KNSTRN: variants seen among roughly 807,000 people sequenced by gnomAD.
KNSTRN encodes the protein small kinetochore-associated protein.
Under a neutral mutation model 44.7 loss-of-function variants are expected in KNSTRN, and 38 were observed. The ratio of observed to expected loss-of-function variants is 0.85; its 90% CI spans 0.66 to 1.11. The LOEUF (loss-of-function observed/expected upper bound fraction) is 1.11, where lower values mean the gene tolerates loss of function less well. KNSTRN is among the 50% of genes most tolerant of loss of function. The probability of loss-of-function intolerance (pLI) is 0.00; values close to 1 mark genes in which losing one functional copy is unlikely to be tolerated. For missense variants in KNSTRN, 406 were observed against 375.8 expected (o/e 1.08, Z -0.66); for synonymous variants, 158 against 148.1 (o/e 1.07, Z -0.48).
chr15:40,385,855 T>C (rs760205432), intron 2 of KNSTRN, among the ~76,000 whole-genome samples: 3 of 152,240 alleles, frequency 2.0e-5, no homozygotes, highest in Non-Finnish European at 2.9e-5. Flanking sequence ...CCCTCAAACA[T>C]GCTGTACTGT....
At chr15:40,384,443 TTG>T (rs754807269) in intron 2 of KNSTRN, 17 of 455,930 alleles carry the variant, frequency 3.7e-5, no homozygotes, top group South Asian at 2.6e-4. Flanking sequence ...GTTTGTTGTC[TTG>T]TGTTGCCGCA....
chr15:40,386,502 C>T lies in KNSTRN; in HGVS notation c.437+8C>T, dbSNP rs541009532. 29 of 1,613,096 alleles carry T rather than the reference C, an allele frequency of 1.8e-5. No homozygotes were observed. Among genetic ancestry groups the T allele is most frequent in the Middle Eastern group, 1.7e-4 (1 of 6,056 alleles). ...ACTGAGACGAGAGAATGGGTGAGAA[C>T]GGATCATTAGTATCCAGTTAGAACA... On this transcript the variant is annotated splice_region_variant and intron_variant, in intron 3 of 8. Coordinates refer to ENST00000249776, the MANE Select transcript of KNSTRN (RefSeq NM_033286.4).
chr15:40,394,119 G>A lies in KNSTRN; in HGVS notation c.*522G>A, dbSNP rs1375488059. ...ACCTGAAGTTGCTTGAAGTGTTTTG[G>A]GCTTAATAAATGGGGTGAAAGTATA... On this transcript the variant is annotated 3_prime_UTR_variant, in exon 9 of 9. Coordinates refer to ENST00000249776, the MANE Select transcript of KNSTRN (RefSeq NM_033286.4). 1 of 152,280 alleles carries A rather than the reference G, an allele frequency of 6.6e-6. No homozygotes were observed. Among genetic ancestry groups the A allele is most frequent in the Non-Finnish European group, 1.5e-5 (1 of 68,240 alleles). The allele number at this position is 152,280 out of a possible 1,614,324, so 9.4% of individuals were successfully genotyped here.
intron 7 of KNSTRN, 97 bp downstream of exon 7, chr15:40,391,651 A>C: frequency 9.9e-7 from 1 of 1,012,806 alleles, no homozygotes; most frequent in South Asian, 1.4e-5. Flanking sequence ...AACTCCAAGA[A>C]ACAGCCTTTG....
Position 40,392,026 on chromosome 15 carries a change from G to A in KNSTRN, c.822+3G>A, listed in dbSNP as rs1890007214. On this transcript the variant is annotated splice_donor_region_variant and intron_variant, in intron 8 of 8. Transcript: ENST00000249776. ...AAAAGCAGATGGAGGAGTTACAGGT[G>A]AGAGGCAGACATCACCCTGACCATT... is the stretch of plus-strand genomic sequence containing the variant. The A allele has an allele frequency of 1.2e-6, 2 of 1,606,132 alleles. No homozygotes were observed. Among genetic ancestry groups the A allele is most frequent in the South Asian group, 2.2e-5 (2 of 89,914 alleles).
rs574409096 is a variant in KNSTRN, at chr15:40,390,069, C to T, written c.685+140C>T. Reference sequence around the variant, plus strand: ...ATAAAGCCCTAAAGATTTTGGAAAGCTTCTGTTTGTTTTCATGTGATGTTG... The same window carrying T: ...ATAAAGCCCTAAAGATTTTGGAAAGTTTCTGTTTGTTTTCATGTGATGTTG... On this transcript the variant is annotated intron_variant, in intron 6 of 8. Coordinates refer to ENST00000249776, the MANE Select transcript of KNSTRN (RefSeq NM_033286.4). 4.6e-6 allele frequency: 3 copies of T among 657,872 alleles called. No individual in the cohort carries two copies. In the African/African-American group the frequency reaches 5.4e-5, roughly 12 times the overall value. 40.8% of individuals were successfully genotyped at this position (657,872 alleles called of 1,614,324 possible).
intron 1 of KNSTRN, 88 bp downstream of exon 1, chr15:40,383,132 C>G (rs1048296233): frequency 1.9e-6 from 3 of 1,586,252 alleles, no homozygotes; most frequent in African/African-American, 2.7e-5. Flanking sequence ...TTTCCAACCC[C>G]GAGCCGGGGC....
Position 40,391,346 on chromosome 15 carries a change from T to A in KNSTRN, c.686-147T>A, listed in dbSNP as rs1002759099. On this transcript the variant is annotated intron_variant, in intron 6 of 8. Coordinates refer to ENST00000249776, the MANE Select transcript of KNSTRN (RefSeq NM_033286.4). ...GCAGATATGGGTGACCCTGCCAAGG[T>A]GAAAACTTAGGAGAAAGTCCAGGAT... The A allele has an allele frequency of 1.8e-5, 11 of 602,068 alleles. No homozygotes were observed. The African/African-American group carries it at 1.9e-4, about 10-fold the overall frequency. The allele number at this position is 602,068 out of a possible 1,614,324, so 37.3% of individuals were successfully genotyped here.
At position 40,383,274 on chromosome 15, in the gene KNSTRN, G is replaced by T; in HGVS notation, c.256G>T (p.Val86Leu). The change falls in exon 2 of 9, where the codon GTG (valine) becomes TTG (leucine). Residue 86 changes from valine (V) to leucine (L), a missense_variant. By Grantham distance (32) the Val-to-Leu change is conservative. Coordinates refer to ENST00000249776, the MANE Select transcript of KNSTRN (RefSeq NM_033286.4). ...LVTMTSVVKT[V>L]YSLQPPSALS... ...TACGATGACCAGTGTGGTTAAGACA[G>T]TGTATAGCCTGCAGCCCCCCTCTGC... is the stretch of plus-strand genomic sequence containing the variant. 1 of 1,614,084 alleles carries T rather than the reference G, an allele frequency of 6.2e-7. No homozygotes were observed. Among genetic ancestry groups the T allele is most frequent in the Non-Finnish European group, 8.5e-7 (1 of 1,179,948 alleles).
At chr15:40,383,551 T>TCTG in intron 2 of KNSTRN, 1 of 485,754 alleles carries the variant, frequency 2.1e-6, no homozygotes, top group Non-Finnish European at 3.7e-6. Flanking sequence ...GTGTACTGTA[T>TCTG]TCATCAGTTA....
chr15:40,384,341 T>G, intron 2 of KNSTRN: 1 of 393,328 alleles, frequency 2.5e-6, no homozygotes, highest in Admixed American at 2.9e-5. Flanking sequence ...GCCACTGCAC[T>G]CCAGCCTGGG....
chr15:40,393,443 T>C (rs748068908), intron 8 of KNSTRN, 26 bp from the exon 9 acceptor site: 1 of 1,607,680 alleles, frequency 6.2e-7, no homozygotes, highest in Non-Finnish European at 8.5e-7. Flanking sequence ...ATGTGTTGTT[T>C]TCTTTTGGAA....
rs749955670 is a variant in KNSTRN, at chr15:40,383,015, G to A, written c.180G>A (p.Lys60=). 2.5e-6 allele frequency: 4 copies of A among 1,611,640 alleles called. No individual in the cohort carries two copies. In the South Asian group the frequency reaches 3.3e-5, roughly 13 times the overall value. Residue 60 remains lysine, a synonymous_variant, in exon 1 of 9, where the codon AAG becomes AAA. Transcript: ENST00000249776. ...GGAATCTTTTAAACGAGAGCGAGAA[G>A]GACTGCGGGCAGGACCGGCGGGCTC... ...AAGNLLNESE[K]DCGQDRRAPG...
At chr15:40,392,402 A>G (rs912823657) in intron 8 of KNSTRN, among the ~76,000 whole-genome samples, 7 of 152,146 alleles carry the variant, frequency 4.6e-5, no homozygotes, top group Admixed American at 3.3e-4. Flanking sequence ...CAAAACTAAG[A>G]AATCAGCCAG....
chr15:40,383,374 C>G, intron 2 of KNSTRN, 52 bp downstream of exon 2: 1 of 1,453,314 alleles, frequency 6.9e-7, no homozygotes, highest in Non-Finnish European at 9.6e-7. Context: ...GGGATGGTCT[C>G]GGGAGTGTGG....
rs547864254 is a variant in KNSTRN at position 40,390,738 on chromosome 15, C to T, written c.686-755C>T. 2.0e-5 allele frequency among the ~76,000 whole-genome samples: 3 copies of T among 152,128 alleles called. No homozygotes were observed. In the East Asian group the frequency reaches 5.8e-4, roughly 29 times the overall value. On this transcript the variant is annotated intron_variant, in intron 6 of 8. Transcript: ENST00000249776. Reference sequence around the variant, plus strand: ...CAAGTGATTCTCCTGCCTCAGCCTCCTGAGTAGCTGGGATTACAGGCGTGT... The same window carrying T: ...CAAGTGATTCTCCTGCCTCAGCCTCTTGAGTAGCTGGGATTACAGGCGTGT...
intron 4 of KNSTRN, 119 bp downstream of exon 4, chr15:40,387,325 C>T (rs1318153027): frequency 3.6e-6 from 3 of 842,416 alleles, no homozygotes; most frequent in African/African-American, 1.7e-5. Context: ...GGTTCCACCT[C>T]AGGAACCTGA....
rs554094468 is a variant in KNSTRN, at chr15:40,383,276, G to A, written c.258G>A (p.Val86=). 1 of 1,614,044 alleles carries A rather than the reference G, an allele frequency of 6.2e-7. No homozygotes were observed. Among genetic ancestry groups the A allele is most frequent in the African/African-American group, 1.3e-5 (1 of 75,064 alleles). ...LVTMTSVVKT[V]YSLQPPSALS... is the part of the protein sequence containing the mutation. ...CGATGACCAGTGTGGTTAAGACAGT[G>A]TATAGCCTGCAGCCCCCCTCTGCGC... The change falls in exon 2 of 9, where the codon GTG becomes GTA. Residue 86 remains valine, a synonymous_variant. Transcript: ENST00000249776.
intron 8 of KNSTRN, 41 bp from the exon 9 acceptor site, chr15:40,393,428 T>G (rs1362361000): frequency 8.1e-6 from 13 of 1,603,498 alleles, no homozygotes; most frequent in Non-Finnish European, 1.1e-5. Context: ...TCAAGAGTTT[T>G]GTGTATGTGT....
Sources: allele counts gnomAD v4.1 joint callset (sites outside exome capture counted in the v4.1 genomes callset), GRCh38; gene constraint gnomAD v4.1.1; transcripts MANE v1.5; gene names NCBI Gene and HGNC (gene_info 2026-07-23, HGNC 2026-07-21).